The following KCNH5 variants were observed in gnomAD, a reference collection of about 807,000 sequenced individuals.
KCNH5 encodes potassium voltage-gated channel subfamily H member 5, also known as voltage-gated delayed rectifier potassium channel KCNH5.
KCNH5 carries 46 observed loss-of-function variants against 96.1 expected under a neutral mutation model. The observed-to-expected ratio is 0.48, with a 90% CI of 0.38 to 0.61. The LOEUF (loss-of-function observed/expected upper bound fraction) is 0.61. Ranked by LOEUF, KCNH5 falls within the 20% of genes least tolerant of loss-of-function variation. The pLI is 0.00. For missense variants in KCNH5, 907 were observed against 1,225.8 expected (o/e 0.74, Z 3.88); for synonymous variants, 439 against 449.8 (o/e 0.98, Z 0.30).
chr14:62,748,320 G>C lies in KCNH5; in HGVS notation c.2019+31408C>G, dbSNP rs184353128. Among the ~76,000 whole-genome samples, 3 of 152,104 alleles carry C rather than the reference G, an allele frequency of 2.0e-5. No individual in the cohort carries two copies. In the South Asian group the frequency reaches 6.2e-4, roughly 32 times the overall value. On this transcript the variant is annotated intron_variant, in intron 10 of 10. Transcript: ENST00000322893. The stretch of plus-strand genomic sequence containing the variant: ...CTAATTACTATATTTTGCAAGAATC[G>C]ATATTATTATCTTCAAAGCAAAATT...
chr14:62,997,757 G>A (rs758102664), intron 4 of KCNH5, among the ~76,000 whole-genome samples: 24 of 151,602 alleles, frequency 1.6e-4, no homozygotes, highest in Admixed American at 1.2e-3. Flanking sequence ...AAAATTAACC[G>A]GGCATGGTGG....
chr14:62,853,642 G>C (rs1349427847), intron 7 of KCNH5, among the ~76,000 whole-genome samples: 1 of 151,086 alleles, frequency 6.6e-6, no homozygotes, highest in African/African-American at 2.4e-5. Flanking sequence ...CCCTTTACTA[G>C]CTGTTCCTTG....
intron 6 of KCNH5, among the ~76,000 whole-genome samples, chr14:62,963,331 C>G (rs774701268): frequency 1.3e-5 from 2 of 151,972 alleles, no homozygotes; most frequent in Non-Finnish European, 2.9e-5. Flanking sequence ...CACTGGGGGT[C>G]TTGGAATGCA....
At chr14:62,941,682 T>C (rs78003346) in intron 7 of KCNH5, among the ~76,000 whole-genome samples, 2,344 of 152,298 alleles carry the variant, frequency 0.015, 56 homozygotes, top group African/African-American at 0.054. Context: ...AATCAGCATG[T>C]ACACACTGCA....
chr14:62,830,430 AG>A (rs1887319680), intron 8 of KCNH5, among the ~76,000 whole-genome samples: 1 of 152,186 alleles, frequency 6.6e-6, no homozygotes, highest in Non-Finnish European at 1.5e-5. Context: ...ATGAAGAAAA[AG>A]GTTTAATTTA....
At chr14:62,761,358 A>G (rs75912762) in intron 10 of KCNH5, among the ~76,000 whole-genome samples, 1 of 39,630 alleles carries the variant, frequency 2.5e-5, no homozygotes, top group South Asian at 3.9e-3. Flanking sequence ...CACTCTCTCA[A>G]AAAAAAAAAA....
intron 9 of KCNH5, among the ~76,000 whole-genome samples, chr14:62,791,342 G>A (rs1886429917): frequency 6.6e-6 from 1 of 151,480 alleles, no homozygotes; most frequent in Admixed American, 6.6e-5. Flanking sequence ...GTAACTTACA[G>A]TAAGTAAGTC....
In KCNH5 at chr14:63,036,836, T is replaced by C. The variant is rs943558846; in HGVS notation, c.73+8278A>G. ...AGGGCTTGTAAGCTCATGATAGCTA[T>C]AAGATGAATGGTGGAGAGGGTAGGG... On this transcript the variant is annotated intron_variant, in intron 1 of 10. Coordinates refer to ENST00000322893, the MANE Select transcript of KCNH5 (RefSeq NM_139318.5). Among the ~76,000 whole-genome samples the C allele has an allele frequency of 3.9e-5, 6 of 152,068 alleles. No homozygotes were observed. The East Asian group carries it at 7.7e-4, about 20-fold the overall frequency.
chr14:63,044,710 G>A (rs944427226), intron 1 of KCNH5, among the ~76,000 whole-genome samples: 15 of 152,172 alleles, frequency 9.9e-5, no homozygotes, highest in African/African-American at 3.4e-4. Context: ...CCAACTTGAG[G>A]GAAACCTTTC....
intron 10 of KCNH5, among the ~76,000 whole-genome samples, chr14:62,737,269 C>T (rs2139930931): frequency 6.6e-6 from 1 of 152,222 alleles, no homozygotes; most frequent in South Asian, 2.1e-4. Context: ...ACTGATGCAC[C>T]CTAAATACCT....
chr14:62,946,829 A>G (rs1282317929), intron 7 of KCNH5, among the ~76,000 whole-genome samples: 1 of 152,170 alleles, frequency 6.6e-6, no homozygotes, highest in African/African-American at 2.4e-5. Flanking sequence ...TCAAAAGGTT[A>G]CATTTTACAT....
rs1046698267 is a variant in KCNH5 at position 62,802,276 on chromosome 14, T to C, written c.1822+53A>G. 29 of 1,553,828 alleles carry C rather than the reference T, an allele frequency of 1.9e-5. No individual in the cohort carries two copies. The African/African-American group carries it at 3.0e-4, about 16-fold the overall frequency. On this transcript the variant is annotated intron_variant, in intron 9 of 10. Transcript: ENST00000322893. ...CTCTTTAAAAATGCGAAAAGCAAAATATCTAAAACTGTTACTACGCATTTG... is the reference window on the plus strand; with the variant it reads ...CTCTTTAAAAATGCGAAAAGCAAAACATCTAAAACTGTTACTACGCATTTG...
chr14:62,850,319 T>C (rs1284365713), intron 7 of KCNH5, among the ~76,000 whole-genome samples: 1 of 152,198 alleles, frequency 6.6e-6, no homozygotes, highest in African/African-American at 2.4e-5. Flanking sequence ...ATTTTTGGAA[T>C]ACCTCCCTGG....
intron 10 of KCNH5, among the ~76,000 whole-genome samples, chr14:62,710,836 A>G (rs1447791602): frequency 6.6e-6 from 1 of 152,218 alleles, no homozygotes; most frequent in African/African-American, 2.4e-5. Flanking sequence ...CAGACATTAT[A>G]AATCTGAATT....
In KCNH5 at chr14:62,950,377, G is replaced by T. The variant is rs755685750; in HGVS notation, c.1125C>A (p.Val375=). 3.1e-6 allele frequency: 5 copies of T among 1,613,818 alleles called. No homozygotes were observed. In the African/African-American group the frequency reaches 6.7e-5, roughly 22 times the overall value. The change falls in exon 7 of 11, where the codon GTC becomes GTA. Residue 375 remains valine, a synonymous_variant. Coordinates refer to ENST00000322893, the MANE Select transcript of KCNH5 (RefSeq NM_139318.5). ...GGATGGTGTTAGTGACTTCATCAAT[G>T]ACCTCGTAGTCTCCGATGCTATACC... ...CIWYSIGDYE[V]IDEVTNTIQI... is the part of the protein sequence containing the mutation.
intron 9 of KCNH5, among the ~76,000 whole-genome samples, chr14:62,780,559 T>C (rs1886189428): frequency 1.3e-5 from 2 of 152,130 alleles, no homozygotes; most frequent in Non-Finnish European, 2.9e-5. Flanking sequence ...TCAAATGTAT[T>C]ATCCCATGAA....
chr14:62,886,290 C>T (rs1050929368), intron 7 of KCNH5, among the ~76,000 whole-genome samples: 3 of 152,316 alleles, frequency 2.0e-5, no homozygotes, highest in African/African-American at 4.8e-5. Context: ...CGAAGCAATT[C>T]GGCCAAAAAC....
At chr14:62,937,461 C>G (rs1889706870) in intron 7 of KCNH5, among the ~76,000 whole-genome samples, 1 of 152,180 alleles carries the variant, frequency 6.6e-6, no homozygotes, top group Non-Finnish European at 1.5e-5. Context: ...CTATAAGGCC[C>G]TGAATGGTTT....
chr14:62,894,126 G>A (rs1296684544), intron 7 of KCNH5, among the ~76,000 whole-genome samples: 1 of 152,138 alleles, frequency 6.6e-6, no homozygotes, highest in Non-Finnish European at 1.5e-5. Context: ...TTAATAGACT[G>A]CAGTATCATG....
Sources: allele counts gnomAD v4.1 joint callset (sites outside exome capture counted in the v4.1 genomes callset), GRCh38; gene constraint gnomAD v4.1.1; transcripts MANE v1.5; gene names NCBI Gene and HGNC (gene_info 2026-07-23, HGNC 2026-07-21).